ZFHX4: variants seen among roughly 807,000 people sequenced by gnomAD.
ZFHX4 encodes the protein zinc finger homeobox 4.
ZFHX4 carries 56 observed loss-of-function variants against 267.6 expected under a neutral mutation model. The ratio of observed to expected loss-of-function variants is 0.21; its 90% CI spans 0.17 to 0.26. The LOEUF is 0.26. Among genes scored for constraint, ZFHX4 ranks in the 10% least tolerant of loss-of-function variants. The pLI, the probability that ZFHX4 is intolerant of heterozygous loss-of-function variation, is 1.00. For missense variants in ZFHX4, 4,332 were observed against 4,420.0 expected, an observed-to-expected ratio of 0.98 and a Z score of 0.56; for synonymous variants, 1,778 against 1,665.6, an observed-to-expected ratio of 1.07 and a Z score of -1.64.
chr8:76,696,678 G>C (rs1284169504), intron 1 of ZFHX4, among the ~76,000 whole-genome samples: 1 of 149,320 alleles, frequency 6.7e-6, no homozygotes, highest in Admixed American at 6.7e-5. Context: ...CAAACAAAAG[G>C]CTCTTCATAA....
Position 76,864,588 on chromosome 8 carries a change from T to C in ZFHX4, c.*23T>C, listed in dbSNP as rs1262087573. The C allele has an allele frequency of 2.2e-6, 3 of 1,361,000 alleles. No individual in the cohort carries two copies. The highest frequency in any genetic ancestry group is 3.9e-5 in the South Asian group (2 of 51,712). The allele number at this position is 1,361,000 out of a possible 1,614,324, so 84.3% of individuals were successfully genotyped here. ...TAGGAGTGAAGACAGGATCCCGTGC[T>C]TAAAAAAATAAAAAATAAAAAAATA... On this transcript the variant is annotated 3_prime_UTR_variant, in exon 11 of 11. Transcript: ENST00000651372.
chr8:76,702,987 C>A (rs907274401), intron 1 of ZFHX4, among the ~76,000 whole-genome samples: 1 of 152,032 alleles, frequency 6.6e-6, no homozygotes, highest in Admixed American at 6.6e-5. Flanking sequence ...CACACACACA[C>A]ACAAACGAAG....
At chr8:76,702,155 T>C (rs898866706) in intron 1 of ZFHX4, among the ~76,000 whole-genome samples, 2 of 152,208 alleles carry the variant, frequency 1.3e-5, no homozygotes, top group South Asian at 4.1e-4. Context: ...GCTGTATGCA[T>C]GCCATAAGGA....
At chr8:76,816,590 CTTTTT>C (rs950143569) in intron 4 of ZFHX4, among the ~76,000 whole-genome samples, 1 of 113,032 alleles carries the variant, frequency 8.8e-6, no homozygotes. Context: ...ATTTAAATGT[CTTTTT>C]TTTTTTTTTT....
intron 3 of ZFHX4, among the ~76,000 whole-genome samples, chr8:76,773,184 C>A (rs7016169): frequency 0.28 from 42,484 of 151,858 alleles, 8,137 homozygotes; most frequent in African/African-American, 0.54. Context: ...TCTCAAACTC[C>A]ATATGACTAT....
intron 1 of ZFHX4, among the ~76,000 whole-genome samples, chr8:76,690,104 A>T (rs960415523): frequency 6.6e-6 from 1 of 152,078 alleles, no homozygotes; most frequent in Non-Finnish European, 1.5e-5. Flanking sequence ...CAGTGCTCAG[A>T]TGATAATTAC....
At chr8:76,711,993 G>A (rs781443481) in intron 3 of ZFHX4, among the ~76,000 whole-genome samples, 3 of 152,214 alleles carry the variant, frequency 2.0e-5, no homozygotes, top group African/African-American at 2.4e-5. Context: ...GGTGTTCACA[G>A]CTTTGCTTGT....
At chr8:76,819,598 G>C (rs117904683) in intron 4 of ZFHX4, among the ~76,000 whole-genome samples, 4,556 of 152,206 alleles carry the variant, frequency 0.03, 89 homozygotes, top group Non-Finnish European at 0.045. Context: ...CCTGTCTATA[G>C]GACTTTTGGT....
chr8:76,751,431 T>C (rs1809611241), intron 3 of ZFHX4, among the ~76,000 whole-genome samples: 1 of 152,258 alleles, frequency 6.6e-6, no homozygotes, highest in East Asian at 1.9e-4. Flanking sequence ...ACATCAGTAA[T>C]TAATAATGCC....
chr8:76,750,907 C>A (rs56992985), intron 3 of ZFHX4, among the ~76,000 whole-genome samples: 4,131 of 152,088 alleles, frequency 0.027, 204 homozygotes, highest in East Asian at 0.24. Flanking sequence ...TTCAAGAGAA[C>A]GAATTGATTA....
At chr8:76,764,922 T>TA (rs2131737341) in intron 3 of ZFHX4, among the ~76,000 whole-genome samples, 1 of 152,280 alleles carries the variant, frequency 6.6e-6, no homozygotes. Context: ...ACAACTCTGT[T>TA]AACACCTCCT....
At chr8:76,753,813 A>C (rs1388423995) in intron 3 of ZFHX4, among the ~76,000 whole-genome samples, 1 of 151,968 alleles carries the variant, frequency 6.6e-6, no homozygotes, top group Non-Finnish European at 1.5e-5. Flanking sequence ...ATTACTGTAG[A>C]GATGGAGTCT....
At position 76,853,787 on chromosome 8, in the gene ZFHX4, C is replaced by T. The variant is rs769508107; in HGVS notation, c.6866C>T (p.Ala2289Val). ...QKARKSYENQ[A>V]ETKDNEKREL... ...GCACGAAAGAGTTATGAGAATCAAG[C>T]AGAAACAAAAGATAATGAAAAAAGA... The change falls in exon 10 of 11, where the codon GCA (alanine) becomes GTA (valine). Residue 2289 changes from alanine to valine, a missense_variant. Ala to Val is a moderately conservative substitution (Grantham distance 64). Around this residue, in one of 7 missense-constraint regions of ZFHX4, gnomAD observed 1,648 missense variants for 1,625.0 expected, o/e 1.01. Coordinates refer to ENST00000651372, the MANE Select transcript of ZFHX4 (RefSeq NM_024721.5). 3 of 1,613,554 alleles carry T rather than the reference C, an allele frequency of 1.9e-6. No individual in the cohort carries two copies. Among genetic ancestry groups the T allele is most frequent in the Non-Finnish European group, 8.5e-7 (1 of 1,179,736 alleles).
chr8:76,849,047 G>C lies in ZFHX4; in HGVS notation c.3564G>C (p.Gln1188His). ...ELKVSVAGGT[Q>H]PLLLAKEEDV... ...AAGTTAGTGTGGCAGGGGGTACCCA[G>C]CCACTCCTGCTGGCAAAAGAAGAGG... Residue 1188 changes from glutamine to histidine, a missense_variant, in exon 7 of 11, where the codon CAG (glutamine) becomes CAC (histidine). Transcript: ENST00000651372. 6.4e-7 allele frequency: 1 copy of C among 1,565,290 alleles called. No individual in the cohort carries two copies. The highest frequency in any genetic ancestry group is 8.7e-7 in the Non-Finnish European group (1 of 1,154,488).
chr8:76,693,708 T>C (rs917595529), intron 1 of ZFHX4, among the ~76,000 whole-genome samples: 5 of 152,190 alleles, frequency 3.3e-5, no homozygotes, highest in Admixed American at 3.3e-4. Context: ...AGGTAAACTG[T>C]TAGAGATAGG....
At position 76,792,079 on chromosome 8, in the gene ZFHX4, C is replaced by G. The variant is rs1219095231; in HGVS notation, c.3325+13640C>G. Among the ~76,000 whole-genome samples the G allele has an allele frequency of 3.9e-5, 6 of 152,110 alleles. No individual in the cohort carries two copies. The East Asian group carries it at 9.6e-4, about 24-fold the overall frequency. On this transcript the variant is annotated intron_variant, in intron 4 of 10. Transcript: ENST00000651372. Reference sequence around the variant, plus strand: ...ATATTCGTTTACTCTGGAAGAAATTCTTATAATCTGGAAGTTACAAATACT... The same window carrying G: ...ATATTCGTTTACTCTGGAAGAAATTGTTATAATCTGGAAGTTACAAATACT...
intron 3 of ZFHX4, among the ~76,000 whole-genome samples, chr8:76,764,902 A>G (rs1810012583): frequency 6.6e-6 from 1 of 152,180 alleles, no homozygotes; most frequent in African/African-American, 2.4e-5. Context: ...TTCCAGACCT[A>G]GGTTAATTAA....
intron 4 of ZFHX4, among the ~76,000 whole-genome samples, chr8:76,813,778 T>C (rs1811435435): frequency 2.0e-5 from 3 of 152,186 alleles, no homozygotes. Context: ...CTGTGTTCTA[T>C]GTAAGAGTTA....
chr8:76,783,016 AGAG>A (rs1237060432), intron 4 of ZFHX4, among the ~76,000 whole-genome samples: 2 of 152,062 alleles, frequency 1.3e-5, no homozygotes, highest in Non-Finnish European at 1.5e-5. Flanking sequence ...CATTAGCAGA[AGAG>A]CATAGAAAGG....
Sources: gnomAD v4.1 joint callset for allele counts (sites outside exome capture counted in the v4.1 genomes callset) on GRCh38, gnomAD v4.1.1 for gene constraint, gnomAD v4.1.1 regional missense constraint, MANE v1.5 for transcripts, NCBI Gene and HGNC (gene_info 2026-07-23, HGNC 2026-07-21) for gene names.